SIPA1L1: variants seen among roughly 807,000 people sequenced by gnomAD.
The protein encoded by SIPA1L1 is signal-induced proliferation-associated 1-like protein 1.
A neutral mutation model predicts 162.7 loss-of-function variants in SIPA1L1; 26 were observed. That is an observed-to-expected ratio of 0.16 (90% CI 0.12 to 0.22). The LOEUF (loss-of-function observed/expected upper bound fraction) is 0.22. Ranked by LOEUF, SIPA1L1 falls within the 10% of genes least tolerant of loss-of-function variation. SIPA1L1 has a pLI of 1.00. For missense variants in SIPA1L1, 1,874 were observed against 2,241.0 expected (o/e 0.84, Z 3.31); for synonymous variants, 829 against 837.4 (o/e 0.99, Z 0.17).
intron 2 of SIPA1L1, among the ~76,000 whole-genome samples, chr14:71,345,566 C>T (rs2036071191): frequency 6.6e-6 from 1 of 150,682 alleles, no homozygotes; most frequent in Non-Finnish European, 1.5e-5. Context: ...ATTTTTCCCA[C>T]AGCTTACTCT....
At chr14:71,542,662 CCTCCCT>C (rs1201327700) in intron 4 of SIPA1L1, among the ~76,000 whole-genome samples, 2 of 104,808 alleles carry the variant, frequency 1.9e-5, no homozygotes, top group Non-Finnish European at 4.2e-5. Flanking sequence ...CCCTCCTCCT[CCTCCCT>C]CCTCCTCCTC....
chr14:71,338,020 A>G (rs970648250), intron 2 of SIPA1L1, among the ~76,000 whole-genome samples: 1 of 152,162 alleles, frequency 6.6e-6, no homozygotes, highest in South Asian at 2.1e-4. Flanking sequence ...CCTTCCCTGC[A>G]TATGGTACTC....
At chr14:71,443,888 A>G (rs1294043391) in intron 2 of SIPA1L1, among the ~76,000 whole-genome samples, 1 of 152,224 alleles carries the variant, frequency 6.6e-6, no homozygotes, top group African/African-American at 2.4e-5. Context: ...AATAACTTGC[A>G]TAGGAATCCC....
chr14:71,367,303 C>CTTTTTT (rs148859626), intron 2 of SIPA1L1, among the ~76,000 whole-genome samples: 1 of 130,244 alleles, frequency 7.7e-6, no homozygotes. Flanking sequence ...ACATTCATTG[C>CTTTTTT]TTTTTTTTTT....
chr14:71,544,262 GATATGTGTATATACATA>G (rs2054932315), intron 4 of SIPA1L1, among the ~76,000 whole-genome samples: 2 of 104,960 alleles, frequency 1.9e-5, no homozygotes, highest in African/African-American at 2.8e-5. Flanking sequence ...ATATACACAT[GATATGTGTATATACATA>G]TGTGTATATA....
intron 4 of SIPA1L1, among the ~76,000 whole-genome samples, chr14:71,571,932 G>A (rs1310088452): frequency 2.6e-5 from 4 of 151,882 alleles, no homozygotes; most frequent in Admixed American, 6.6e-5. Context: ...GATTACAGGC[G>A]TGAGCCACCG....
At chr14:71,538,710 A>G (rs768566011) in intron 4 of SIPA1L1, among the ~76,000 whole-genome samples, 12 of 152,148 alleles carry the variant, frequency 7.9e-5, no homozygotes, top group Non-Finnish European at 1.6e-4. Context: ...GCAGTGCTTG[A>G]TAAATGCAGG....
At chr14:71,451,463 G>A (rs1202141985) in intron 2 of SIPA1L1, among the ~76,000 whole-genome samples, 1 of 151,630 alleles carries the variant, frequency 6.6e-6, no homozygotes, top group African/African-American at 2.4e-5. Flanking sequence ...GTGAGACCTT[G>A]TCTCTACAAA....
chr14:71,539,759 T>C (rs2054217837), intron 4 of SIPA1L1, among the ~76,000 whole-genome samples: 1 of 152,158 alleles, frequency 6.6e-6, no homozygotes, highest in Non-Finnish European at 1.5e-5. Flanking sequence ...GCTCTTCCCA[T>C]GGAGAGATGT....
chr14:71,511,511 A>G (rs1447518024), intron 2 of SIPA1L1, among the ~76,000 whole-genome samples: 2 of 149,544 alleles, frequency 1.3e-5, no homozygotes, highest in Non-Finnish European at 3.0e-5. Flanking sequence ...CTGATCTTGA[A>G]CTCCTGGGCT....
chr14:71,473,558 A>C (rs184142848), intron 2 of SIPA1L1, among the ~76,000 whole-genome samples: 2 of 152,306 alleles, frequency 1.3e-5, no homozygotes, highest in East Asian at 3.9e-4. Context: ...CTGTAAAGTT[A>C]GGTGCGAAAA....
At chr14:71,677,588 A>C (rs1343245406) in intron 12 of SIPA1L1, among the ~76,000 whole-genome samples, 2 of 152,172 alleles carry the variant, frequency 1.3e-5, no homozygotes, top group African/African-American at 4.8e-5. Flanking sequence ...GTTTTCTTCT[A>C]GGGTTTTTAT....
At chr14:71,531,614 G>C (rs1472562406) in intron 4 of SIPA1L1, among the ~76,000 whole-genome samples, 3 of 152,082 alleles carry the variant, frequency 2.0e-5, no homozygotes, top group Admixed American at 2.0e-4. Flanking sequence ...GCCCAGGCGG[G>C]AGTACAGTGG....
chr14:71,347,380 GT>G (rs1158148904), intron 2 of SIPA1L1, among the ~76,000 whole-genome samples: 1 of 151,924 alleles, frequency 6.6e-6, no homozygotes, highest in South Asian at 2.1e-4. Flanking sequence ...ATAACATTTT[GT>G]TTTTTTCTGT....
At chr14:71,519,841 TTGATTGATTGAC>T (rs747106975) in intron 3 of SIPA1L1, among the ~76,000 whole-genome samples, 247 of 150,484 alleles carry the variant, frequency 1.6e-3, no homozygotes, top group Non-Finnish European at 2.2e-3. Context: ...AAAAAAAAGA[TTGATTGATTGAC>T]TGATTGATTA....
intron 2 of SIPA1L1, among the ~76,000 whole-genome samples, chr14:71,454,369 G>A (rs755465545): frequency 3.3e-5 from 5 of 152,250 alleles, no homozygotes; most frequent in South Asian, 2.1e-4. Context: ...TATCCTGGGC[G>A]CCAGTAATAT....
At chr14:71,736,513 G>A (rs2085306869) in intron 22 of SIPA1L1, among the ~76,000 whole-genome samples, 1 of 152,220 alleles carries the variant, frequency 6.6e-6, no homozygotes, top group African/African-American at 2.4e-5. Context: ...ATAAACTGGG[G>A]CTTGCCATTG....
At chr14:71,690,816 C>A (rs2081200419) in intron 13 of SIPA1L1, among the ~76,000 whole-genome samples, 1 of 152,218 alleles carries the variant, frequency 6.6e-6, no homozygotes, top group South Asian at 2.1e-4. Flanking sequence ...TGTATGTGGG[C>A]AGTTCCTTAG....
chr14:71,449,398 C>A (rs2045647751), intron 2 of SIPA1L1, among the ~76,000 whole-genome samples: 2 of 152,118 alleles, frequency 1.3e-5, no homozygotes, highest in South Asian at 2.1e-4. Flanking sequence ...GTAATTGAGA[C>A]AATGGGCAGA....
Sources: gnomAD v4.1 joint callset for allele counts (sites outside exome capture counted in the v4.1 genomes callset) on GRCh38, gnomAD v4.1.1 for gene constraint, MANE v1.5 for transcripts, NCBI Gene and HGNC (gene_info 2026-07-23, HGNC 2026-07-21) for gene names.